ROBO2: variants seen among roughly 807,000 people sequenced by gnomAD.
The protein encoded by ROBO2 is roundabout guidance receptor 2.
In ROBO2, 53 loss-of-function variants were observed where a neutral mutation model predicts 160.8. The ratio of observed to expected loss-of-function variants is 0.33; its 90% CI spans 0.26 to 0.41. The LOEUF is 0.41. Among genes scored for constraint, ROBO2 ranks in the 10% least tolerant of loss-of-function variants. The pLI, the probability that ROBO2 is intolerant of heterozygous loss-of-function variation, is 1.00. For synonymous variants in ROBO2, 664 were observed against 611.7 expected, an observed-to-expected ratio of 1.09 and a Z score of -1.26; for missense variants, 1,577 against 1,722.4, an observed-to-expected ratio of 0.92 and a Z score of 1.49.
intron 2 of ROBO2, among the ~76,000 whole-genome samples, chr3:77,013,868 C>G (rs1309526054): frequency 6.6e-6 from 1 of 152,188 alleles, no homozygotes; most frequent in Non-Finnish European, 1.5e-5. Flanking sequence ...TTTCGTTTCT[C>G]CATGTTAACT....
At chr3:76,309,825 T>G (rs1431481173) in intron 2 of ROBO2, among the ~76,000 whole-genome samples, 2 of 152,136 alleles carry the variant, frequency 1.3e-5, no homozygotes, top group Non-Finnish European at 2.9e-5. Flanking sequence ...TTATTAATTA[T>G]TATTGTTACT....
intron 2 of ROBO2, among the ~76,000 whole-genome samples, chr3:76,588,614 T>C (rs1487398724): frequency 6.6e-6 from 1 of 152,152 alleles, no homozygotes; most frequent in East Asian, 1.9e-4. Context: ...ACGTTACAAA[T>C]AGTGTTATTT....
intron 6 of ROBO2, among the ~76,000 whole-genome samples, chr3:77,533,391 C>A (rs944614926): frequency 5.3e-5 from 8 of 152,264 alleles, no homozygotes; most frequent in African/African-American, 1.9e-4. Flanking sequence ...CAAATGCAGG[C>A]AGTCTCAACA....
intron 2 of ROBO2, among the ~76,000 whole-genome samples, chr3:75,966,576 A>G (rs1949124540): frequency 6.6e-6 from 1 of 151,678 alleles, no homozygotes; most frequent in Admixed American, 6.6e-5. Context: ...CCAATATGGC[A>G]TGAGTGACGT....
chr3:77,047,750 A>G, intron 1 of ROBO2, among the ~76,000 whole-genome samples: 1 of 145,544 alleles, frequency 6.9e-6, no homozygotes, highest in Non-Finnish European at 1.5e-5. Context: ...GATGTATATA[A>G]AGATATATAT....
chr3:76,731,579 T>G (rs2093638470), intron 2 of ROBO2, among the ~76,000 whole-genome samples: 2 of 152,204 alleles, frequency 1.3e-5, no homozygotes, highest in Non-Finnish European at 1.5e-5. Context: ...ATGACCAGAT[T>G]GAAATAATTT....
intron 2 of ROBO2, among the ~76,000 whole-genome samples, chr3:76,249,004 G>A (rs1342142991): frequency 6.6e-6 from 1 of 152,054 alleles, no homozygotes; most frequent in Non-Finnish European, 1.5e-5. Context: ...TGTATTTCGT[G>A]TTTTTTGGGA....
intron 2 of ROBO2, among the ~76,000 whole-genome samples, chr3:76,100,152 A>G (rs1903731): frequency 0.68 from 102,670 of 152,018 alleles, 35,845 homozygotes; most frequent in African/African-American, 0.86. Context: ...GAATCCTTGC[A>G]CAATTCTTTC....
At chr3:77,285,192 C>T (rs771989250) in intron 2 of ROBO2, among the ~76,000 whole-genome samples, 14 of 152,088 alleles carry the variant, frequency 9.2e-5, no homozygotes, top group Non-Finnish European at 1.8e-4. Flanking sequence ...GTGATGTTAC[C>T]GGTCTTCTTG....
intron 2 of ROBO2, among the ~76,000 whole-genome samples, chr3:76,855,546 A>G (rs1388559444): frequency 6.6e-6 from 1 of 152,236 alleles, no homozygotes; most frequent in Admixed American, 6.5e-5. Flanking sequence ...CAAGATCAGC[A>G]TCCATCTGGT....
At chr3:75,949,589 A>G (rs1948459282) in intron 2 of ROBO2, among the ~76,000 whole-genome samples, 1 of 152,042 alleles carries the variant, frequency 6.6e-6, no homozygotes, top group African/African-American at 2.4e-5. Flanking sequence ...CTTGTAAACA[A>G]AAGCAAACCA....
intron 2 of ROBO2, among the ~76,000 whole-genome samples, chr3:76,799,219 A>G (rs1033641657): frequency 2.2e-5 from 3 of 135,888 alleles, no homozygotes; most frequent in Non-Finnish European, 5.1e-5. Flanking sequence ...GTCTCAAAAA[A>G]AACAAAAACA....
At chr3:77,487,919 A>G (rs1306658046) in intron 4 of ROBO2, among the ~76,000 whole-genome samples, 1 of 152,184 alleles carries the variant, frequency 6.6e-6, no homozygotes, top group Non-Finnish European at 1.5e-5. Context: ...GCCATTTTCA[A>G]TGACTGAATA....
At position 76,529,571 on chromosome 3, in the gene ROBO2, G is replaced by A. The variant is rs1457448562; in HGVS notation, c.110-568443G>A. Among the ~76,000 whole-genome samples, 4 of 152,106 alleles carry A rather than the reference G, an allele frequency of 2.6e-5. No individual in the cohort carries two copies. The South Asian group carries it at 6.2e-4, about 24-fold the overall frequency. ...ATGAGATTCCTTTTGTTTCCAAAAT[G>A]TGTGAATTATGATGGAAATGGGTAT... On this transcript the variant is annotated intron_variant, in intron 2 of 26. Coordinates refer to the ROBO2 transcript ENST00000487694.
chr3:77,326,641 C>T (rs1212766802), intron 2 of ROBO2, among the ~76,000 whole-genome samples: 2 of 152,080 alleles, frequency 1.3e-5, no homozygotes, highest in East Asian at 3.9e-4. Flanking sequence ...TTTTTTCAAA[C>T]AAATCACAAA....
intron 2 of ROBO2, among the ~76,000 whole-genome samples, chr3:76,427,999 C>T (rs528791977): frequency 1.2e-4 from 19 of 152,084 alleles, no homozygotes; most frequent in Admixed American, 1.1e-3. Flanking sequence ...CAGGGGAATG[C>T]GTGAGCAATA....
chr3:76,304,362 T>C (rs993827164), intron 2 of ROBO2, among the ~76,000 whole-genome samples: 3 of 152,316 alleles, frequency 2.0e-5, no homozygotes, highest in Non-Finnish European at 2.9e-5. Context: ...TATTTTGGCT[T>C]GCATAGTCAA....
At chr3:75,947,583 G>A (rs1027393430) in intron 2 of ROBO2, among the ~76,000 whole-genome samples, 2 of 152,096 alleles carry the variant, frequency 1.3e-5, no homozygotes, top group African/African-American at 4.8e-5. Context: ...GAAACCCTGT[G>A]GGGAGAGAGT....
intron 2 of ROBO2, among the ~76,000 whole-genome samples, chr3:76,712,954 T>C (rs1302920777): frequency 1.3e-5 from 2 of 152,204 alleles, no homozygotes; most frequent in African/African-American, 4.8e-5. Context: ...CTAAAACTTA[T>C]TTTCTGAGTT....
Sources: gnomAD v4.1 joint callset for allele counts (sites outside exome capture counted in the v4.1 genomes callset) on GRCh38, gnomAD v4.1.1 for gene constraint, MANE v1.5 for transcripts, NCBI Gene and HGNC (gene_info 2026-07-23, HGNC 2026-07-21) for gene names.